POC1B: variants seen among roughly 807,000 people sequenced by gnomAD.
POC1B encodes POC1 centriolar protein homolog B.
In POC1B, 44 loss-of-function variants were observed where a neutral mutation model predicts 60.6. The observed-to-expected ratio is 0.73, with a 90% CI of 0.57 to 0.93. The LOEUF (loss-of-function observed/expected upper bound fraction) is 0.93, where lower values mean the gene tolerates loss of function less well. Ranked by LOEUF, POC1B falls within the 40% of genes least tolerant of loss-of-function variation. POC1B has a pLI of 0.00. For missense variants in POC1B, 555 were observed against 572.3 expected (o/e 0.97, Z 0.31); for synonymous variants, 180 against 198.9 (o/e 0.90, Z 0.80).
chr12:89,430,828 G>A (rs1880998920), intron 10 of POC1B, among the ~76,000 whole-genome samples: 1 of 152,110 alleles, frequency 6.6e-6, no homozygotes, highest in South Asian at 2.1e-4. Flanking sequence ...CACATTGGTT[G>A]AACTGAATTT....
chr12:89,480,795 T>C (rs1883303250), intron 4 of POC1B, among the ~76,000 whole-genome samples: 1 of 152,036 alleles, frequency 6.6e-6, no homozygotes, highest in Admixed American at 6.5e-5. Flanking sequence ...AGAGATGGAG[T>C]TTCACCATGT....
intron 4 of POC1B, among the ~76,000 whole-genome samples, chr12:89,480,476 G>A (rs1883281154): frequency 6.6e-6 from 1 of 150,866 alleles, no homozygotes; most frequent in East Asian, 1.9e-4. Context: ...TCTGGAGTAC[G>A]GTGGCATGAT....
At chr12:89,442,533 T>C (rs1214784461) in intron 10 of POC1B, among the ~76,000 whole-genome samples, 2 of 151,962 alleles carry the variant, frequency 1.3e-5, no homozygotes, top group Non-Finnish European at 2.9e-5. Context: ...AAAAATAAAA[T>C]CCTTTACAGA....
At chr12:89,525,628 G>T (rs1241219595) in intron 1 of POC1B, 39 of 1,276,454 alleles carry the variant, frequency 3.1e-5, no homozygotes, top group Non-Finnish European at 3.9e-5. Context: ...TCTGGGGGCC[G>T]TGGGGCCGCC....
At chr12:89,480,399 CTGA>C (rs1883277255) in intron 4 of POC1B, among the ~76,000 whole-genome samples, 2 of 151,126 alleles carry the variant, frequency 1.3e-5, no homozygotes. Flanking sequence ...TTGCAAGAGA[CTGA>C]TAAGTTATAA....
intron 10 of POC1B, among the ~76,000 whole-genome samples, chr12:89,441,993 G>A (rs180837108): frequency 6.6e-6 from 1 of 152,332 alleles, no homozygotes; most frequent in Non-Finnish European, 1.5e-5. Context: ...ATTCAATCAA[G>A]TGGAAGAAAG....
intron 8 of POC1B, 57 bp downstream of exon 8, chr12:89,467,560 A>G: frequency 7.2e-7 from 1 of 1,395,562 alleles, no homozygotes; most frequent in South Asian, 1.2e-5. Flanking sequence ...CTCTTAGCTG[A>G]GGTCAAGGAT....
intron 10 of POC1B, among the ~76,000 whole-genome samples, chr12:89,445,577 C>T (rs1881745364): frequency 6.6e-6 from 1 of 152,132 alleles, no homozygotes; most frequent in Non-Finnish European, 1.5e-5. Context: ...AAACTGGATC[C>T]CTTCCTTACA....
At chr12:89,494,348 C>T (rs1296302988) in intron 3 of POC1B, among the ~76,000 whole-genome samples, 2 of 152,124 alleles carry the variant, frequency 1.3e-5, no homozygotes, top group African/African-American at 2.4e-5. Flanking sequence ...ATGCCCCCAG[C>T]CTCTCCCTAT....
intron 2 of POC1B, chr12:89,501,835 C>G: frequency 2.5e-6 from 3 of 1,208,550 alleles, no homozygotes; most frequent in Admixed American, 1.7e-5. Context: ...AACTATTCCA[C>G]TTAAAAGGCA....
At chr12:89,446,487 C>G (rs2120747756) in intron 10 of POC1B, among the ~76,000 whole-genome samples, 1 of 152,186 alleles carries the variant, frequency 6.6e-6, no homozygotes, top group East Asian at 1.9e-4. Context: ...TCATTCTCAG[C>G]AAACTATTGC....
chr12:89,451,128 C>T (rs1439465337), intron 10 of POC1B, among the ~76,000 whole-genome samples: 1 of 152,122 alleles, frequency 6.6e-6, no homozygotes, highest in Non-Finnish European at 1.5e-5. Context: ...ATTAAAAAGA[C>T]ATTCTGAAAA....
At chr12:89,525,281 TC>T (rs898638912) in intron 1 of POC1B, 77 bp from the exon 2 acceptor site, 231 of 1,516,360 alleles carry the variant, frequency 1.5e-4, no homozygotes, top group Non-Finnish European at 1.9e-4. Flanking sequence ...CGCTGCCACT[TC>T]CCCGGAGTCC....
chr12:89,502,617 T>C, intron 2 of POC1B: 1 of 1,303,084 alleles, frequency 7.7e-7, no homozygotes, highest in East Asian at 2.3e-5. Flanking sequence ...AGAGAGATTA[T>C]TCTCATGGAT....
chr12:89,447,351 G>A (rs1881832955), intron 10 of POC1B, among the ~76,000 whole-genome samples: 1 of 152,074 alleles, frequency 6.6e-6, no homozygotes, highest in Non-Finnish European at 1.5e-5. Context: ...ATTGAAATAT[G>A]TAAGTGATTT....
chr12:89,449,440 T>C (rs1048153810), intron 10 of POC1B, among the ~76,000 whole-genome samples: 4 of 152,214 alleles, frequency 2.6e-5, no homozygotes, highest in Non-Finnish European at 4.4e-5. Flanking sequence ...CACATGTATA[T>C]ATACTTTAAA....
chr12:89,466,705 ACCT>A lies in POC1B; in HGVS notation c.1032+62_1032+64del, dbSNP rs1340759419. The A allele has an allele frequency of 1.0e-5, 15 of 1,452,642 alleles. No homozygotes were observed. In the East Asian group the frequency reaches 3.2e-4, roughly 31 times the overall value. The allele number at this position is 1,452,642 out of a possible 1,614,324, so 90.0% of individuals were successfully genotyped here. Reference sequence around the variant, plus strand: ...TATATATAATTCAGTAATTTCAAACACCTCCTTCAGCAAAAGCCTCAAAATGTA... The same window carrying A: ...TATATATAATTCAGTAATTTCAAACACCTTCAGCAAAAGCCTCAAAATGTA... On this transcript the variant is annotated intron_variant, in intron 9 of 11. Coordinates refer to ENST00000313546, the MANE Select transcript of POC1B (RefSeq NM_172240.3).
chr12:89,450,764 T>TAC (rs1882006030), intron 10 of POC1B, among the ~76,000 whole-genome samples: 1 of 152,224 alleles, frequency 6.6e-6, no homozygotes, highest in South Asian at 2.1e-4. Flanking sequence ...CATGTTGATG[T>TAC]TGTTATTACA....
At chr12:89,459,758 C>A (rs752866330) in intron 9 of POC1B, 40 bp from the exon 10 acceptor site, 1 of 1,135,838 alleles carries the variant, frequency 8.8e-7, no homozygotes. Context: ...GATTTTCATA[C>A]CATAAGAAAC....
Sources: allele counts gnomAD v4.1 joint callset (sites outside exome capture counted in the v4.1 genomes callset), GRCh38; gene constraint gnomAD v4.1.1; transcripts MANE v1.5; gene names NCBI Gene and HGNC (gene_info 2026-07-23, HGNC 2026-07-21).